FBXO41: variants seen among roughly 807,000 people sequenced by gnomAD.
The protein encoded by FBXO41 is F-box protein 41.
In FBXO41, 33 loss-of-function variants were observed where a neutral mutation model predicts 81.6. The observed-to-expected ratio is 0.40, with a 90% CI of 0.31 to 0.54. The LOEUF (loss-of-function observed/expected upper bound fraction) is 0.54. Ranked by LOEUF, FBXO41 falls within the 20% of genes least tolerant of loss-of-function variation. The probability of loss-of-function intolerance (pLI) is 0.39; values close to 1 mark genes in which losing one functional copy is unlikely to be tolerated. For synonymous variants in FBXO41, 576 were observed against 552.7 expected (o/e 1.04, Z -0.59); for missense variants, 1,107 against 1,236.0 (o/e 0.90, Z 1.56).
At chr2:73,261,613 A>G (rs1057369314) in intron 9 of FBXO41, among the ~76,000 whole-genome samples, 3 of 152,198 alleles carry the variant, frequency 2.0e-5, no homozygotes, top group African/African-American at 7.2e-5. Context: ...TGTGGGGGGC[A>G]TAGAACATTA....
chr2:73,276,152 G>A (rs944085775), intron 1 of FBXO41, among the ~76,000 whole-genome samples: 1 of 150,830 alleles, frequency 6.6e-6, no homozygotes, highest in Non-Finnish European at 1.5e-5. Flanking sequence ...GCTCACGTCT[G>A]TAATCCCAGC....
chr2:73,271,629 C>CCG (rs985793627), intron 1 of FBXO41: 1 of 147,596 alleles, frequency 6.8e-6, no homozygotes, highest in African/African-American at 2.5e-5. Context: ...GCACTCCCCC[C>CCG]CCCCCAACTT....
In FBXO41 at chr2:73,283,302, A is replaced by T. The variant is rs540388555; in HGVS notation, c.-139+858T>A. On this transcript the variant is annotated intron_variant, in intron 1 of 12. Coordinates refer to ENST00000520530, the MANE Select transcript of FBXO41 (RefSeq NM_001371389.2). ...CCCCAACATGTATACCTCCCAGAGT[A>T]GTCACTCCAGCCTGGCGAAGACCCT... 5.8e-4 allele frequency among the ~76,000 whole-genome samples: 88 copies of T among 152,262 alleles called. No individual in the cohort carries two copies. The South Asian group carries it at 7.7e-3, about 13-fold the overall frequency.
rs751645729 is a variant in FBXO41 at position 73,263,902 on chromosome 2, C to A, written c.1922+36G>T. On this transcript the variant is annotated intron_variant, in intron 7 of 12. Coordinates refer to ENST00000520530, the MANE Select transcript of FBXO41 (RefSeq NM_001371389.2). ...GAAACTTAATTCCAGGTCTGTGGCC[C>A]AACAGCACCCACCACCCACCCATCG... 7 of 1,613,578 alleles carry A rather than the reference C, an allele frequency of 4.3e-6. No individual in the cohort carries two copies. In the South Asian group the frequency reaches 6.6e-5, roughly 15 times the overall value.
rs747080156 is a variant in FBXO41, at chr2:73,266,567, G to A, written c.1021C>T (p.Arg341Trp). The stretch of plus-strand genomic sequence containing the variant: ...CTGCTGCTGATGACCTGCAGCTGCC[G>A]CTCGGCACGGTCAGCCCGCTCAAGG... ...ELLERADRAE[R>W]QLQVISSSCG... Residue 341 changes from arginine to tryptophan, a missense_variant, in exon 3 of 13, where the codon CGG (arginine) becomes TGG (tryptophan). Physicochemically the swap from Arg to Trp is moderately radical, Grantham distance 101. Transcript: ENST00000520530. This position sits in a 1 kb window ranked among gnomAD's most constrained non-coding sequence, Gnocchi z 5.3. 17 of 1,610,314 alleles carry A rather than the reference G, an allele frequency of 1.1e-5. No homozygotes were observed. The highest frequency in any genetic ancestry group is 1.9e-4 in the Middle Eastern group (1 of 5,394).
rs1688269800 is a variant in FBXO41 at position 73,266,219 on chromosome 2, G to T, written c.1131+238C>A. On this transcript the variant is annotated intron_variant, in intron 3 of 12. Transcript: ENST00000520530. This position sits in a 1 kb window ranked among gnomAD's most constrained non-coding sequence, Gnocchi z 5.3. ...CCTGGACTCTCATTTGCAGGGATGG[G>T]CAGAGATAGCCCCCGAGGGCTGGGG... Among the ~76,000 whole-genome samples the T allele has an allele frequency of 6.6e-6, 1 of 152,178 alleles. No homozygotes were observed.
rs1332626999 is a variant in FBXO41 at position 73,264,487 on chromosome 2, G to C, written c.1597C>G (p.Arg533Gly). 1 of 1,613,726 alleles carries C rather than the reference G, an allele frequency of 6.2e-7. No homozygotes were observed. The highest frequency in any genetic ancestry group is 8.5e-7 in the Non-Finnish European group (1 of 1,179,870). The change falls in exon 6 of 13, where the codon CGA (arginine) becomes GGA (glycine). Residue 533 changes from arginine to glycine, a missense_variant. Physicochemically the swap from Arg to Gly is moderately radical, Grantham distance 125. Transcript: ENST00000520530. ...CGTGAGGGGCTGACCCTCTCTGCTC[G>C]CCGACCCCGCCCACTGCCTCCCTCG... ...RPEGGSGRGR[R>G]AERVSPSRSN...
chr2:73,281,866 G>A (rs1046104474), intron 1 of FBXO41, among the ~76,000 whole-genome samples: 2 of 152,212 alleles, frequency 1.3e-5, no homozygotes, highest in African/African-American at 4.8e-5. Context: ...GATAAACTAG[G>A]ATTTGAACCC....
chr2:73,263,239 G>A lies in FBXO41; in HGVS notation c.2145C>T (p.Ser715=). 6.4e-7 allele frequency: 1 copy of A among 1,557,468 alleles called. No individual in the cohort carries two copies. The highest frequency in any genetic ancestry group is 1.2e-5 in the South Asian group (1 of 84,262). The change falls in exon 9 of 13, where the codon TCC becomes TCT. Residue 715 remains serine, a synonymous_variant. Coordinates refer to ENST00000520530, the MANE Select transcript of FBXO41 (RefSeq NM_001371389.2). ...ALGAGCREIV[S]LQVAPLHPCQ... is the part of the protein sequence containing the mutation. Reference sequence around the variant, plus strand: ...AGGGGTGAAGTGGTGCCACTTGGAGGGAGACGATCTCTCTGCAGCCTGCGC... The same window carrying A: ...AGGGGTGAAGTGGTGCCACTTGGAGAGAGACGATCTCTCTGCAGCCTGCGC...
intron 5 of FBXO41, 45 bp from the exon 6 acceptor site, chr2:73,264,564 C>G (rs999260293): frequency 6.2e-7 from 1 of 1,607,434 alleles, no homozygotes. Context: ...AGGGTCAAGG[C>G]TGGTGTGGGG....
chr2:73,264,967 TG>T (rs574679984), intron 5 of FBXO41, among the ~76,000 whole-genome samples: 5 of 151,964 alleles, frequency 3.3e-5, no homozygotes, highest in Non-Finnish European at 5.9e-5. Context: ...GTGAATACGG[TG>T]GGGGGCCTCT....
At chr2:73,272,459 G>A (rs1688535940) in intron 1 of FBXO41, among the ~76,000 whole-genome samples, 1 of 152,262 alleles carries the variant, frequency 6.6e-6, no homozygotes, top group South Asian at 2.1e-4. Context: ...TGGGAACTAA[G>A]AGGGAGATAA....
Position 73,257,186 on chromosome 2 carries a change from G to C in FBXO41, c.*1796C>G, listed in dbSNP as rs1309865324. On this transcript the variant is annotated 3_prime_UTR_variant, in exon 13 of 13. Transcript: ENST00000520530. This position sits in a 1 kb window ranked among gnomAD's most constrained non-coding sequence, Gnocchi z 4.6. ...AGAAGCCAATGGAGCCAGCTGCTCT[G>C]GGGTAGGAGGCAAGGGGTGCCACAC... is the stretch of plus-strand genomic sequence containing the variant. 1 of 153,142 alleles carries C rather than the reference G, an allele frequency of 6.5e-6. No individual in the cohort carries two copies. The highest frequency in any genetic ancestry group is 1.5e-5 in the Non-Finnish European group (1 of 68,594). 9.5% of individuals were successfully genotyped at this position (153,142 alleles called of 1,614,324 possible). A position where few individuals can be genotyped will look rare whatever the true frequency, so the allele number is the denominator to read the frequency against.
chr2:73,265,170 G>A (rs906105192), intron 5 of FBXO41, 112 bp downstream of exon 5: 13 of 1,008,254 alleles, frequency 1.3e-5, no homozygotes, highest in Admixed American at 2.9e-5. Context: ...AGGCTTGAAG[G>A]GCGCTATGTA....
rs753971206 is a variant in FBXO41, at chr2:73,268,789, T to C, written c.842A>G (p.Glu281Gly). 6.3e-7 allele frequency: 1 copy of C among 1,582,994 alleles called. No individual in the cohort carries two copies. Among genetic ancestry groups the C allele is most frequent in the Non-Finnish European group, 8.6e-7 (1 of 1,164,688 alleles). The change falls in exon 2 of 13, where the codon GAG becomes GGG. Residue 281 changes from glutamate (E) to glycine (G), a missense_variant. Around this residue, in one of 2 missense-constraint regions of FBXO41, gnomAD observed 771 missense variants for 789.2 expected, o/e 0.98. Coordinates refer to ENST00000520530, the MANE Select transcript of FBXO41 (RefSeq NM_001371389.2). Reference sequence around the variant, plus strand: ...GTCCTGCTTGAGTGAGGCCAGCAGCTCTACGCTCACGTCCACCTGGCGGGA... The same window carrying C: ...GTCCTGCTTGAGTGAGGCCAGCAGCCCTACGCTCACGTCCACCTGGCGGGA... ...ELSRQVDVSV[E>G]LLASLKQDLV...
rs370034444 is a variant in FBXO41 at position 73,265,518 on chromosome 2, C to T, written c.1328G>A (p.Arg443Gln). The change falls in exon 5 of 13, where the codon CGG becomes CAG. Residue 443 changes from arginine to glutamine, a missense_variant. Physicochemically the swap from Arg to Gln is conservative, Grantham distance 43. Around this residue, in one of 2 missense-constraint regions of FBXO41, gnomAD observed 771 missense variants for 789.2 expected, o/e 0.98. Coordinates refer to ENST00000520530, the MANE Select transcript of FBXO41 (RefSeq NM_001371389.2). The part of the protein sequence containing the change: ...EDSGPGGLGT[R>Q]AQAANGGSER... Reference sequence around the variant, plus strand: ...TGAGCCCCCGTTGGCAGCCTGGGCCCGTGTGCCCAAGCCCCCAGGGCCACT... The same window carrying T: ...TGAGCCCCCGTTGGCAGCCTGGGCCTGTGTGCCCAAGCCCCCAGGGCCACT... 16 of 1,595,140 alleles carry T rather than the reference C, an allele frequency of 1.0e-5. No individual in the cohort carries two copies. Among genetic ancestry groups the T allele is most frequent in the African/African-American group, 8.0e-5 (6 of 74,644 alleles).
chr2:73,279,061 T>C (rs1467940129), intron 1 of FBXO41, among the ~76,000 whole-genome samples: 1 of 152,162 alleles, frequency 6.6e-6, no homozygotes, highest in African/African-American at 2.4e-5. Context: ...AAGTGGAAAC[T>C]ATTAACCACG....
intron 9 of FBXO41, among the ~76,000 whole-genome samples, chr2:73,262,676 T>G (rs557756720): frequency 6.6e-6 from 1 of 152,374 alleles, no homozygotes; most frequent in South Asian, 2.1e-4. Context: ...AAGACATGAT[T>G]GAGATTGCCA....
intron 1 of FBXO41, among the ~76,000 whole-genome samples, chr2:73,280,827 C>T (rs1688826013): frequency 6.6e-6 from 1 of 152,320 alleles, no homozygotes; most frequent in Middle Eastern, 3.4e-3. Context: ...AGAGACAATA[C>T]AACTGATTCA....
Sources: allele counts gnomAD v4.1 joint callset (sites outside exome capture counted in the v4.1 genomes callset), GRCh38; gene constraint gnomAD v4.1.1; regional missense constraint gnomAD v4.1.1; non-coding constraint Gnocchi (gnomAD v3.1); transcripts MANE v1.5; gene names NCBI Gene and HGNC (gene_info 2026-07-23, HGNC 2026-07-21).